XKR4: variants seen among roughly 807,000 people sequenced by gnomAD.
XKR4 encodes the protein XK related 4.
A neutral mutation model predicts 53.9 loss-of-function variants in XKR4; 12 were observed. That is an observed-to-expected ratio of 0.22 (90% CI 0.14 to 0.36). The LOEUF (loss-of-function observed/expected upper bound fraction) is 0.36. Ranked by LOEUF, XKR4 falls within the 10% of genes least tolerant of loss-of-function variation. The pLI is 1.00. For synonymous variants in XKR4, 354 were observed against 362.4 expected, an observed-to-expected ratio of 0.98 and a Z score of 0.26; for missense variants, 799 against 859.5, an observed-to-expected ratio of 0.93 and a Z score of 0.88.
chr8:55,483,091 C>T (rs1563363439), intron 2 of XKR4, among the ~76,000 whole-genome samples: 1 of 152,116 alleles, frequency 6.6e-6, no homozygotes, highest in South Asian at 2.1e-4. Context: ...GACATTCATC[C>T]TACATCCTCA....
rs923650082 is a variant in XKR4 at position 55,534,770 on chromosome 8, T to G, written c.*10543T>G. On this transcript the variant is annotated 3_prime_UTR_variant, in exon 3 of 3. Transcript: ENST00000327381. ...TTCTCCCTTGCTTCTGGGTTTTGTT[T>G]TTTTTTTTTCAAAGAAAGATTTGAG... 2 of 151,310 alleles carry G rather than the reference T, an allele frequency of 1.3e-5. No homozygotes were observed. Among genetic ancestry groups the G allele is most frequent in the African/African-American group, 4.9e-5 (2 of 41,166 alleles). The allele number at this position is 151,310 out of a possible 1,614,324, so 9.4% of individuals were successfully genotyped here.
At chr8:55,332,377 A>T (rs1247727499) in intron 1 of XKR4, among the ~76,000 whole-genome samples, 1 of 152,050 alleles carries the variant, frequency 6.6e-6, no homozygotes, top group African/African-American at 2.4e-5. Context: ...TTATTCATGT[A>T]TTTACCTTTA....
At chr8:55,164,480 C>T (rs1439177544) in intron 1 of XKR4, 2 of 455,724 alleles carry the variant, frequency 4.4e-6, no homozygotes, top group Non-Finnish European at 8.8e-6. Flanking sequence ...GGGTATTCTC[C>T]ACAGCTGCAA....
intron 2 of XKR4, among the ~76,000 whole-genome samples, chr8:55,395,319 C>T (rs79823527): frequency 0.033 from 4,941 of 151,846 alleles, 236 homozygotes; most frequent in African/African-American, 0.11. Context: ...CGCTGCATTC[C>T]CATGGAGAAA....
At chr8:55,273,503 T>G (rs1300049097) in intron 1 of XKR4, among the ~76,000 whole-genome samples, 1 of 152,192 alleles carries the variant, frequency 6.6e-6, no homozygotes, top group Non-Finnish European at 1.5e-5. Context: ...TTAGGAGTCA[T>G]GTAGCTTGAG....
At chr8:55,423,761 G>A (rs1298161132) in intron 2 of XKR4, among the ~76,000 whole-genome samples, 2 of 152,226 alleles carry the variant, frequency 1.3e-5, no homozygotes, top group Non-Finnish European at 2.9e-5. Context: ...CATAGGAAGT[G>A]CTTAATTAAC....
chr8:55,122,363 T>G (rs1439298701), intron 1 of XKR4, among the ~76,000 whole-genome samples: 1 of 152,200 alleles, frequency 6.6e-6, no homozygotes, highest in East Asian at 1.9e-4. Context: ...GTTTTAAAAT[T>G]TTATACAAAT....
chr8:55,405,486 C>A (rs1804668131), intron 2 of XKR4, among the ~76,000 whole-genome samples: 1 of 152,192 alleles, frequency 6.6e-6, no homozygotes. Context: ...GGTCAATCAC[C>A]TCTTGGCTTC....
At chr8:55,204,217 G>C (rs1195555341) in intron 1 of XKR4, among the ~76,000 whole-genome samples, 4 of 151,946 alleles carry the variant, frequency 2.6e-5, no homozygotes, top group Admixed American at 2.6e-4. Context: ...CGTTGCCCAG[G>C]CTGGTCTTGA....
intron 1 of XKR4, among the ~76,000 whole-genome samples, chr8:55,221,311 G>C (rs1256502294): frequency 1.3e-5 from 2 of 152,190 alleles, no homozygotes; most frequent in Non-Finnish European, 2.9e-5. Flanking sequence ...TCTCTAAAGA[G>C]GTGTGGTAAA....
At chr8:55,314,383 A>AAACCC (rs1819428974) in intron 1 of XKR4, among the ~76,000 whole-genome samples, 1 of 150,606 alleles carries the variant, frequency 6.6e-6, no homozygotes, top group Non-Finnish European at 1.5e-5. Context: ...TGGGCTAAAG[A>AAACCC]AACCCTGGGA....
intron 1 of XKR4, among the ~76,000 whole-genome samples, chr8:55,246,343 G>A (rs1818285549): frequency 6.6e-6 from 1 of 152,112 alleles, no homozygotes; most frequent in African/African-American, 2.4e-5. Flanking sequence ...AGATAGCAAG[G>A]AGAGAGAGAG....
Position 55,532,472 on chromosome 8 carries a change from T to G in XKR4, c.*8245T>G, listed in dbSNP as rs1376625500. On this transcript the variant is annotated 3_prime_UTR_variant, in exon 3 of 3. Coordinates refer to ENST00000327381, the MANE Select transcript of XKR4 (RefSeq NM_052898.2). ...CAAAATTTTCTCTTGTGCTAGTAAT[T>G]GAAGTATGTCATCTACCCTGTTATT... is the stretch of plus-strand genomic sequence containing the variant. 6.6e-6 allele frequency: 1 copy of G among 152,122 alleles called. No individual in the cohort carries two copies. Among genetic ancestry groups the G allele is most frequent in the Non-Finnish European group, 1.5e-5 (1 of 68,016 alleles). 9.4% of individuals were successfully genotyped at this position (152,122 alleles called of 1,614,324 possible).
intron 1 of XKR4, chr8:55,164,020 A>G (rs1817026613): frequency 3.1e-6 from 1 of 320,958 alleles, no homozygotes; most frequent in African/African-American, 2.2e-5. Flanking sequence ...AAATATTTGC[A>G]CACACATCCC....
intron 1 of XKR4, among the ~76,000 whole-genome samples, chr8:55,114,109 C>A (rs1240099048): frequency 6.6e-6 from 1 of 152,134 alleles, no homozygotes; most frequent in East Asian, 1.9e-4. Context: ...ATTGCTGGAT[C>A]AAATGGTAGT....
intron 1 of XKR4, among the ~76,000 whole-genome samples, chr8:55,219,439 C>T (rs1050397486): frequency 1.3e-5 from 2 of 152,020 alleles, no homozygotes; most frequent in Admixed American, 6.5e-5. Flanking sequence ...TGGGGTGGGG[C>T]GGGGGAAGTG....
At chr8:55,135,382 T>A (rs1816611371) in intron 1 of XKR4, 1 of 291,728 alleles carries the variant, frequency 3.4e-6, no homozygotes, top group Non-Finnish European at 7.1e-6. Context: ...TTAGAGCAGA[T>A]CTTTATACAT....
Position 55,103,263 on chromosome 8 carries a change from A to G in XKR4, c.775A>G (p.Ile259Val). The G allele has an allele frequency of 6.2e-7, 1 of 1,611,106 alleles. No individual in the cohort carries two copies. Among genetic ancestry groups the G allele is most frequent in the Non-Finnish European group, 8.5e-7 (1 of 1,177,812 alleles). Residue 259 changes from isoleucine to valine, a missense_variant, in exon 1 of 3, where the codon ATC (isoleucine) becomes GTC (valine). Coordinates refer to ENST00000327381, the MANE Select transcript of XKR4 (RefSeq NM_052898.2). Reference sequence around the variant, plus strand: ...CTGCATCTGGCTCCTGCAGTCACTCATCCACATCTTGCAGCTCGGGCAAAT... The same window carrying G: ...CTGCATCTGGCTCCTGCAGTCACTCGTCCACATCTTGCAGCTCGGGCAAAT... ...SFCIWLLQSL[I>V]HILQLGQIWR...
chr8:55,494,656 G>A (rs1806316338), intron 2 of XKR4, among the ~76,000 whole-genome samples: 1 of 152,140 alleles, frequency 6.6e-6, no homozygotes, highest in African/African-American at 2.4e-5. Flanking sequence ...TCTGTGAGCA[G>A]GTCATCCTAT....
Sources: gnomAD v4.1 joint callset for allele counts (sites outside exome capture counted in the v4.1 genomes callset) on GRCh38, gnomAD v4.1.1 for gene constraint, MANE v1.5 for transcripts, NCBI Gene and HGNC (gene_info 2026-07-23, HGNC 2026-07-21) for gene names.